The following PPP4R3A variants were observed in gnomAD, a reference collection of about 807,000 sequenced individuals.
The protein encoded by PPP4R3A is protein phosphatase 4 regulatory subunit 3A.
Under a neutral mutation model 91.7 loss-of-function variants are expected in PPP4R3A, and 15 were observed. That is an observed-to-expected ratio of 0.16 (90% confidence interval 0.11 to 0.25). PPP4R3A has a LOEUF of 0.25. Ranked by LOEUF, PPP4R3A falls within the 10% of genes least tolerant of loss-of-function variation. The pLI, the probability that PPP4R3A is intolerant of heterozygous loss-of-function variation, is 1.00. For missense variants in PPP4R3A, 623 were observed against 998.4 expected (o/e 0.62, Z 5.07); for synonymous variants, 377 against 348.7 (o/e 1.08, Z -0.91).
At chr14:91,487,070 GC>G (rs1889936045) in intron 2 of PPP4R3A, among the ~76,000 whole-genome samples, 1 of 151,240 alleles carries the variant, frequency 6.6e-6, no homozygotes, top group African/African-American at 2.4e-5. Flanking sequence ...AACAGGTAAA[GC>G]CCCGTCTCTA....
rs1567141597 is a variant in PPP4R3A, at chr14:91,458,109, CAA to C, written c.*648_*649del. 1 of 151,410 alleles carries C rather than the reference CAA, an allele frequency of 6.6e-6. No individual in the cohort carries two copies. Among genetic ancestry groups the C allele is most frequent in the African/African-American group, 2.4e-5 (1 of 40,996 alleles). The allele number at this position is 151,410 out of a possible 1,614,324, so 9.4% of individuals were successfully genotyped here. A position where few individuals can be genotyped will look rare whatever the true frequency, so the allele number is the denominator to read the frequency against. ...AAAAAAAATCAAAAACAAAATAAAA[CAA>C]AAAAATTATGACACAAATGACCACA... On this transcript the variant is annotated 3_prime_UTR_variant, in exon 15 of 15. Transcript: ENST00000554943.
chr14:91,481,793 G>T lies in PPP4R3A; in HGVS notation c.698C>A (p.Pro233Gln). 1 of 1,614,032 alleles carries T rather than the reference G, an allele frequency of 6.2e-7. No homozygotes were observed. Among genetic ancestry groups the T allele is most frequent in the Non-Finnish European group, 8.5e-7 (1 of 1,179,992 alleles). The change falls in exon 4 of 15, where the codon CCA becomes CAA. Residue 233 changes from proline (P) to glutamine (Q), a missense_variant. Pro to Gln is a moderately conservative substitution (Grantham distance 76, BLOSUM62 -1). Transcript: ENST00000554943. ...CLEYDPALSQ[P>Q]RKHREFLTKT... ...TGTTAGAAATTCCCTGTGTTTTCGT[G>T]GTTGTGATAAAGCAGGATCATATTC...
chr14:91,472,774 C>A (rs191477268), intron 9 of PPP4R3A, among the ~76,000 whole-genome samples: 57 of 151,986 alleles, frequency 3.8e-4, no homozygotes, highest in Admixed American at 1.4e-3. Flanking sequence ...TTGTCATGAA[C>A]CTTTCTTTTC....
rs1219458748 is a variant in PPP4R3A, at chr14:91,470,966, G to A, written c.1531C>T (p.Leu511Phe). Reference protein sequence around the residue: ...DDFQTAQLLALVLELLTFCVE... With the variant: ...DDFQTAQLLAFVLELLTFCVE... ...CAAAATGTTAACAATTCCAATACAA[G>A]TGCCAATAGTTGGGCAGTCTGAAAA... Residue 511 changes from leucine to phenylalanine, a missense_variant, in exon 10 of 15, where the codon CTT (leucine) becomes TTT (phenylalanine). Coordinates refer to ENST00000554943, the MANE Select transcript of PPP4R3A (RefSeq NM_001366432.2). 2 of 1,603,462 alleles carry A rather than the reference G, an allele frequency of 1.2e-6. No homozygotes were observed. Among genetic ancestry groups the A allele is most frequent in the Non-Finnish European group, 1.7e-6 (2 of 1,177,842 alleles).
chr14:91,494,761 G>C (rs892905133), intron 1 of PPP4R3A, among the ~76,000 whole-genome samples: 1 of 152,190 alleles, frequency 6.6e-6, no homozygotes, highest in Non-Finnish European at 1.5e-5. Context: ...AGCTACTCAG[G>C]AGGCTGAGGC....
At position 91,461,485 on chromosome 14, in the gene PPP4R3A, T is replaced by C. The variant is rs1037612500; in HGVS notation, c.2287A>G (p.Thr763Ala). 1.2e-6 allele frequency: 2 copies of C among 1,614,074 alleles called. No homozygotes were observed. The highest frequency in any genetic ancestry group is 1.7e-6 in the Non-Finnish European group (2 of 1,180,040). Residue 763 changes from threonine to alanine, a missense_variant, in exon 14 of 15, where the codon ACA becomes GCA. By Grantham distance (58) the Thr-to-Ala change is moderately conservative (BLOSUM62 0). Transcript: ENST00000554943. ...KTNLTSQSST[T>A]NLPGSPGSPG... ...GATCCCGGAGAACCAGGCAGATTTG[T>C]TGTAGATGACTGGCTGGTGAGGTTA...
At chr14:91,479,399 A>T (rs770154442) in intron 4 of PPP4R3A, among the ~76,000 whole-genome samples, 7 of 147,450 alleles carry the variant, frequency 4.7e-5, no homozygotes, top group Non-Finnish European at 1.5e-5. Flanking sequence ...ATAGGGTCTC[A>T]CTCTGTTGCT....
At chr14:91,504,419 T>C (rs1246836941) in intron 1 of PPP4R3A, among the ~76,000 whole-genome samples, 4 of 150,544 alleles carry the variant, frequency 2.7e-5, no homozygotes, top group Non-Finnish European at 4.4e-5. Context: ...CTGGCCAACA[T>C]GGTGAAACCT....
intron 1 of PPP4R3A, among the ~76,000 whole-genome samples, chr14:91,492,588 T>C (rs902584075): frequency 1.3e-5 from 2 of 152,224 alleles, no homozygotes; most frequent in Non-Finnish European, 2.9e-5. Context: ...CTCCCAACTA[T>C]GTCTAGGACA....
chr14:91,482,474 C>A (rs748461283), intron 3 of PPP4R3A, among the ~76,000 whole-genome samples: 1 of 152,096 alleles, frequency 6.6e-6, no homozygotes, highest in African/African-American at 2.4e-5. Context: ...GAGACTGTTA[C>A]GAAACAGCCC....
intron 4 of PPP4R3A, 37 bp from the exon 5 acceptor site, chr14:91,477,023 T>C: frequency 1.4e-6 from 2 of 1,480,526 alleles, no homozygotes; most frequent in African/African-American, 2.8e-5. Flanking sequence ...ATGTTAATGC[T>C]AAGATTGTCC....
At chr14:91,507,444 CTATATAG>C (rs1213163226) in intron 1 of PPP4R3A, among the ~76,000 whole-genome samples, 1 of 131,976 alleles carries the variant, frequency 7.6e-6, no homozygotes, top group African/African-American at 3.1e-5. Flanking sequence ...ATTATATATA[CTATATAG>C]TATATATACT....
At chr14:91,465,811 A>C (rs1292490704) in intron 10 of PPP4R3A, among the ~76,000 whole-genome samples, 1 of 152,214 alleles carries the variant, frequency 6.6e-6, no homozygotes. Context: ...CCAGTGTTTT[A>C]TTAGGGCAAT....
Position 91,509,776 on chromosome 14 carries a change from G to A in PPP4R3A, c.-129C>T. The A allele has an allele frequency of 2.4e-6, 3 of 1,266,072 alleles. No homozygotes were observed. Among genetic ancestry groups the A allele is most frequent in the Non-Finnish European group, 3.0e-6 (3 of 1,010,658 alleles). 78.4% of individuals were successfully genotyped at this position (1,266,072 alleles called of 1,614,324 possible). A position where few individuals can be genotyped will look rare whatever the true frequency, so the allele number is the denominator to read the frequency against. ...CTCCCCGGCCTCACTGCCGCCGCTG[G>A]GCGCCGCGGGGCCGCGCCGCCGCCT... On this transcript the variant is annotated 5_prime_UTR_variant, in exon 1 of 15. Coordinates refer to ENST00000554943, the MANE Select transcript of PPP4R3A (RefSeq NM_001366432.2).
chr14:91,496,710 G>A (rs1465973057), intron 1 of PPP4R3A, among the ~76,000 whole-genome samples: 2 of 152,104 alleles, frequency 1.3e-5, no homozygotes, highest in Non-Finnish European at 2.9e-5. Context: ...CACAGTTTTG[G>A]TCTAGGAAGT....
intron 5 of PPP4R3A, among the ~76,000 whole-genome samples, 190 bp from the exon 6 acceptor site, chr14:91,476,714 C>T (rs1349366712): frequency 2.0e-5 from 3 of 152,104 alleles, no homozygotes; most frequent in Non-Finnish European, 4.4e-5. Context: ...TACAGGTGCC[C>T]GCCACCATGC....
chr14:91,482,220 A>T (rs1284541441), intron 3 of PPP4R3A, 27 bp from the exon 4 acceptor site: 7 of 1,558,304 alleles, frequency 4.5e-6, no homozygotes, highest in Non-Finnish European at 6.0e-6. Flanking sequence ...AATTGCTGAC[A>T]AAATAGATAA....
chr14:91,495,347 C>G (rs1191734630), intron 1 of PPP4R3A, among the ~76,000 whole-genome samples: 1 of 69,466 alleles, frequency 1.4e-5, no homozygotes, highest in Non-Finnish European at 3.0e-5. Flanking sequence ...TAGACAGTCT[C>G]TCTGTCGCCC....
chr14:91,462,857 A>G lies in PPP4R3A; in HGVS notation c.1851T>C (p.Thr617=). Residue 617 remains threonine (T), a synonymous_variant, in exon 12 of 15, where the codon ACT becomes ACC. Transcript: ENST00000554943. ...FIRVEDIKSL[T]AHVIENYWKA... The stretch of plus-strand genomic sequence containing the variant: ...TCCAGTAATTTTCAATTACATGAGC[A>G]GTTAATGATTTTATATCTTCCTACA... 1 of 1,597,954 alleles carries G rather than the reference A, an allele frequency of 6.3e-7. No homozygotes were observed. The highest frequency in any genetic ancestry group is 8.6e-7 in the Non-Finnish European group (1 of 1,167,392).
Sources: gnomAD v4.1 joint callset for allele counts (sites outside exome capture counted in the v4.1 genomes callset) on GRCh38, gnomAD v4.1.1 for gene constraint, MANE v1.5 for transcripts, NCBI Gene and HGNC (gene_info 2026-07-23, HGNC 2026-07-21) for gene names.